Variants in GLDN observed in about 807,000 individuals in gnomAD.
GLDN encodes the protein gliomedin.
A neutral mutation model predicts 56.5 loss-of-function variants in GLDN; 47 were observed. The observed-to-expected ratio is 0.83, with a 90% CI of 0.66 to 1.06. The LOEUF is 1.06. Ranked by LOEUF, GLDN falls within the 50% of genes least tolerant of loss-of-function variation. The pLI is 0.00. For missense variants in GLDN, 782 were observed against 714.3 expected (o/e 1.09, Z -1.08); for synonymous variants, 332 against 278.8 (o/e 1.19, Z -1.90).
intron 1 of GLDN, among the ~76,000 whole-genome samples, chr15:51,374,157 GT>G: frequency 6.6e-6 from 1 of 152,274 alleles, no homozygotes; most frequent in South Asian, 2.1e-4. Flanking sequence ...CTGCTTCATA[GT>G]TTTTACAGAA....
chr15:51,343,271 C>G (rs1016534299), intron 1 of GLDN, among the ~76,000 whole-genome samples: 1 of 152,132 alleles, frequency 6.6e-6, no homozygotes, highest in African/African-American at 2.4e-5. Flanking sequence ...TTTTCCATTC[C>G]TCACTTCATT....
intron 1 of GLDN, among the ~76,000 whole-genome samples, chr15:51,357,000 T>C (rs1394986956): frequency 1.3e-5 from 2 of 152,158 alleles, no homozygotes; most frequent in African/African-American, 4.8e-5. Flanking sequence ...CACAGACCTC[T>C]AGAAAAAATA....
chr15:51,343,052 A>G (rs1489661066), intron 1 of GLDN, among the ~76,000 whole-genome samples: 1 of 152,222 alleles, frequency 6.6e-6, no homozygotes, highest in Non-Finnish European at 1.5e-5. Context: ...CAATTGCAAC[A>G]GTCTTGTTTC....
rs1383668128 is a variant in GLDN at position 51,400,201 on chromosome 15, G to A, written c.827G>A (p.Cys276Tyr). The A allele has an allele frequency of 3.1e-6, 5 of 1,613,968 alleles. No homozygotes were observed. The East Asian group carries it at 6.7e-5, about 22-fold the overall frequency. The change falls in exon 7 of 10, where the codon TGT becomes TAT. Residue 276 changes from cysteine (C) to tyrosine (Y), a missense_variant. Physicochemically the swap from Cys to Tyr is radical, Grantham distance 194. Coordinates refer to ENST00000335449, the MANE Select transcript of GLDN (RefSeq NM_181789.4). ...ATTGTTGTCATTTTAGGTGAGACTT[G>A]TGCCATACCAAATGATGATACCTTG... ...MFNGQCPGETCAIPNDDTLVG... is the reference protein window; with the variant it reads ...MFNGQCPGETYAIPNDDTLVG...
At chr15:51,410,160 C>T (rs550007060), downstream of GLDN, among the ~76,000 whole-genome samples, 6 of 152,206 alleles carry the variant, frequency 3.9e-5, no homozygotes, top group Admixed American at 6.5e-5. Context: ...AATCTGCACA[C>T]GTGATTTCAC....
rs373969431 is a variant in GLDN, at chr15:51,394,936, G to C, written c.643G>C (p.Glu215Gln). 1.9e-6 allele frequency: 3 copies of C among 1,611,412 alleles called. No individual in the cohort carries two copies. Among genetic ancestry groups the C allele is most frequent in the Non-Finnish European group, 2.5e-6 (3 of 1,178,992 alleles). Reference protein sequence around the residue: ...GNEGPPGQKGEKGDKGDVSND... With the variant: ...GNEGPPGQKGQKGDKGDVSND... ...TGAGGGCCCACCAGGGCAGAAGGGA[G>C]AAAAGGGTGACAAAGGAGATGTGTC... The change falls in exon 5 of 10, where the codon GAA (glutamate) becomes CAA (glutamine). Residue 215 changes from glutamate (E) to glutamine (Q), a missense_variant. By Grantham distance (29) the Glu-to-Gln change is conservative. Transcript: ENST00000335449.
At chr15:51,343,238 T>C (rs550998062) in intron 1 of GLDN, among the ~76,000 whole-genome samples, 58 of 152,348 alleles carry the variant, frequency 3.8e-4, no homozygotes, top group Middle Eastern at 3.4e-3. Context: ...ATACTTCAAA[T>C]ACATCTTTTG....
intron 3 of GLDN, 33 bp from the exon 4 acceptor site, chr15:51,383,752 G>A (rs1347255280): frequency 1.6e-6 from 2 of 1,252,012 alleles, no homozygotes; most frequent in South Asian, 3.0e-5. Context: ...TTTTTTTTTT[G>A]GTTAATGTCC....
chr15:51,383,497 G>A, intron 3 of GLDN, 44 bp downstream of exon 3: 1 of 1,609,694 alleles, frequency 6.2e-7, no homozygotes, highest in Non-Finnish European at 8.5e-7. Context: ...GGCTGTGGGT[G>A]GCCAGACCCT....
At chr15:51,380,592 G>A (rs2037737021) in intron 2 of GLDN, among the ~76,000 whole-genome samples, 1 of 152,190 alleles carries the variant, frequency 6.6e-6, no homozygotes, top group Non-Finnish European at 1.5e-5. Context: ...CACATTTTAT[G>A]TCTGCCCGGA....
chr15:51,400,035 C>A (rs2038214229), intron 6 of GLDN, among the ~76,000 whole-genome samples, 157 bp from the exon 7 acceptor site: 1 of 152,180 alleles, frequency 6.6e-6, no homozygotes. Context: ...TTTGGAGTTG[C>A]TTGAAAGCAA....
In GLDN at chr15:51,383,804, G is replaced by C. The variant is rs766479428; in HGVS notation, c.453G>C (p.Gly151=). Residue 151 remains glycine (G), a synonymous_variant, in exon 4 of 10, where the codon GGG becomes GGC. Coordinates refer to ENST00000335449, the MANE Select transcript of GLDN (RefSeq NM_181789.4). The part of the protein sequence containing the change: ...SGPPGPPGAG[G]LPGHNGLDGQ... ...ATGCAGGACCTCCGGGAGCCGGCGG[G>C]TTGCCAGGACACAACGGATTGGATG... The C allele has an allele frequency of 8.7e-6, 14 of 1,611,444 alleles. No individual in the cohort carries two copies. Among genetic ancestry groups the C allele is most frequent in the Non-Finnish European group, 1.2e-5 (14 of 1,179,052 alleles).
intron 2 of GLDN, among the ~76,000 whole-genome samples, chr15:51,382,546 T>A (rs1362052297): frequency 2.7e-5 from 4 of 150,366 alleles, no homozygotes; most frequent in Non-Finnish European, 5.9e-5. Context: ...TGAAACCCTG[T>A]CTCTACTAAA....
chr15:51,390,777 A>G (rs948497401), intron 4 of GLDN, among the ~76,000 whole-genome samples: 1 of 152,178 alleles, frequency 6.6e-6, no homozygotes, highest in African/African-American at 2.4e-5. Flanking sequence ...GGGCGACACC[A>G]GAGAAAAACA....
chr15:51,395,256 T>C (rs1286610844), intron 5 of GLDN, among the ~76,000 whole-genome samples: 1 of 152,162 alleles, frequency 6.6e-6, no homozygotes, highest in Admixed American at 6.5e-5. Context: ...TTCCAAGATA[T>C]ATTGAAATCC....
At chr15:51,412,506 C>T (rs2038477455), downstream of GLDN, among the ~76,000 whole-genome samples, 2 of 151,600 alleles carry the variant, frequency 1.3e-5, no homozygotes, top group Non-Finnish European at 1.5e-5. Flanking sequence ...CCCTTGCCAT[C>T]TCTCTCTCTC....
chr15:51,391,095 G>A (rs557044289), intron 4 of GLDN, among the ~76,000 whole-genome samples: 1 of 152,298 alleles, frequency 6.6e-6, no homozygotes, highest in Admixed American at 6.5e-5. Context: ...AGAGGGCAAA[G>A]GCAGACTCTA....
intron 1 of GLDN, among the ~76,000 whole-genome samples, chr15:51,354,285 T>A (rs763353174): frequency 3.3e-5 from 5 of 152,202 alleles, no homozygotes; most frequent in Non-Finnish European, 5.9e-5. Flanking sequence ...GTTGAGCTGG[T>A]GATGGCAAAA....
chr15:51,400,176 A>T lies in GLDN; in HGVS notation c.818-16A>T. On this transcript the variant is annotated splice_polypyrimidine_tract_variant and intron_variant, in intron 6 of 9. Coordinates refer to ENST00000335449, the MANE Select transcript of GLDN (RefSeq NM_181789.4). The stretch of plus-strand genomic sequence containing the variant: ...GCCAACCGTATCGGCTCTGATGATT[A>T]TTGTTGTCATTTTAGGTGAGACTTG... 1 of 1,611,260 alleles carries T rather than the reference A, an allele frequency of 6.2e-7. No homozygotes were observed. The highest frequency in any genetic ancestry group is 8.5e-7 in the Non-Finnish European group (1 of 1,177,424).
Sources: gnomAD v4.1 joint callset for allele counts (sites outside exome capture counted in the v4.1 genomes callset) on GRCh38, gnomAD v4.1.1 for gene constraint, MANE v1.5 for transcripts, NCBI Gene and HGNC (gene_info 2026-07-23, HGNC 2026-07-21) for gene names.